Variants in ANK2 observed in about 807,000 individuals in gnomAD.
ANK2 encodes the protein ankyrin-2.
In ANK2, 83 loss-of-function variants were observed where a neutral mutation model predicts 360.5. The observed-to-expected ratio is 0.23, with a 90% confidence interval of 0.19 to 0.28. The LOEUF is 0.28. Ranked by LOEUF, ANK2 falls within the 10% of genes least tolerant of loss-of-function variation. The pLI is 1.00. For missense variants in ANK2, 4,201 were observed against 4,795.7 expected (o/e 0.88, Z 3.66); for synonymous variants, 1,740 against 1,759.5 (o/e 0.99, Z 0.28).
chr4:112,784,400 C>T, the ANK2 span, among the ~76,000 whole-genome samples: 1 of 146,402 alleles, frequency 6.8e-6, no homozygotes, highest in Admixed American at 6.9e-5. Context: ...CTCTGTCGCC[C>T]AGGCCGGAGT....
intron 2 of ANK2, among the ~76,000 whole-genome samples, chr4:113,026,928 G>T (rs1037732671): frequency 2.6e-5 from 4 of 152,118 alleles, no homozygotes; most frequent in South Asian, 4.1e-4. Context: ...GACTGGAGAA[G>T]GTTAAAGGGA....
chr4:112,745,555 C>G, the ANK2 span, among the ~76,000 whole-genome samples: 1 of 114,408 alleles, frequency 8.7e-6, no homozygotes, highest in Admixed American at 1.2e-4. Context: ...TTTTTTGAGA[C>G]AGAGTTTCGC....
At position 113,156,371 on chromosome 4, in the gene ANK2, C is replaced by CTTTTTTTTTTTTTTTTTTTTTT. The variant is rs150536846; in HGVS notation, c.85-18035_85-18034insTTTTTTTTTTTTTTTTTTTTTT. ...CGTATAGAGTATATGTAGAAAAATT[C>CTTTTTTTTTTTTTTTTTTTTTT]TTTTTTTTTTGTTTTTGAGACAGAG... On this transcript the variant is annotated intron_variant, in intron 1 of 45. Transcript: ENST00000357077. Among the ~76,000 whole-genome samples the CTTTTTTTTTTTTTTTTTTTTTT allele has an allele frequency of 4.6e-3, 587 of 128,234 alleles. 9 individuals carry two copies. Among genetic ancestry groups the CTTTTTTTTTTTTTTTTTTTTTT allele is most frequent in the Non-Finnish European group, 5.9e-3 (364 of 61,290 alleles). The allele number at this position is 128,234 out of a possible 152,430, so 84.1% of individuals were successfully genotyped here.
At chr4:112,795,935 G>A in the ANK2 span, among the ~76,000 whole-genome samples, 1 of 151,160 alleles carries the variant, frequency 6.6e-6, no homozygotes, top group African/African-American at 2.4e-5. Flanking sequence ...GAGTAGCTGG[G>A]ACTATAGGTG....
chr4:113,173,688 G>C (rs951684026), intron 1 of ANK2, among the ~76,000 whole-genome samples: 26 of 152,296 alleles, frequency 1.7e-4, no homozygotes, highest in African/African-American at 6.0e-4. Context: ...TTTGAGAGGA[G>C]TGTGGGAAGA....
At chr4:112,832,463 T>C (rs2060016159) in intron 1 of ANK2, among the ~76,000 whole-genome samples, 1 of 152,244 alleles carries the variant, frequency 6.6e-6, no homozygotes, top group Non-Finnish European at 1.5e-5. Flanking sequence ...ACAAAATTAT[T>C]TTATTTTGCC....
rs2042036628 is a variant in ANK2 at position 112,978,180 on chromosome 4, G to A, written c.21+73666G>A. On this transcript the variant is annotated intron_variant, in intron 2 of 30. Coordinates refer to the ANK2 transcript ENST00000503271. ...AATTGCTTGAACCTGGGAGGCAGAG[G>A]TTGCAGTGAGTCGAGATTGCGCCAT... 2.6e-5 allele frequency among the ~76,000 whole-genome samples: 4 copies of A among 151,938 alleles called. No individual in the cohort carries two copies. The South Asian group carries it at 8.3e-4, about 31-fold the overall frequency.
At chr4:112,722,516 A>G in the ANK2 span, among the ~76,000 whole-genome samples, 2 of 152,186 alleles carry the variant, frequency 1.3e-5, no homozygotes, top group Non-Finnish European at 2.9e-5. Context: ...GTGGCTCAAT[A>G]GTGTCATCGA....
chr4:113,141,519 C>A (rs941433309), intron 1 of ANK2: 11 of 152,082 alleles, frequency 7.2e-5, no homozygotes, highest in Non-Finnish European at 1.6e-4. Context: ...TTTTAAAAAA[C>A]AGGAAAATAG....
the ANK2 span, among the ~76,000 whole-genome samples, chr4:112,709,084 A>G: frequency 3.9e-5 from 6 of 152,202 alleles, no homozygotes; most frequent in Admixed American, 2.6e-4. Flanking sequence ...TAAGGGAGAG[A>G]TAACTTTATC....
the ANK2 span, among the ~76,000 whole-genome samples, chr4:112,722,190 G>A: frequency 0.37 from 56,578 of 151,964 alleles, 11,850 homozygotes; most frequent in Middle Eastern, 0.49. Context: ...TCTTGTGTTT[G>A]TATTTTCAAC....
intron 1 of ANK2, among the ~76,000 whole-genome samples, chr4:112,895,485 G>A (rs2081455655): frequency 6.6e-6 from 1 of 152,092 alleles, no homozygotes; most frequent in Non-Finnish European, 1.5e-5. Flanking sequence ...TCTTTTAGGT[G>A]CTGAACGCCA....
intron 11 of ANK2, among the ~76,000 whole-genome samples, chr4:113,257,011 T>C (rs1337979679): frequency 1.3e-5 from 2 of 152,242 alleles, no homozygotes; most frequent in Admixed American, 6.5e-5. Context: ...TCTGGCATGT[T>C]GTATAGCTCA....
At chr4:112,950,801 G>A (rs1581752864) in intron 2 of ANK2, among the ~76,000 whole-genome samples, 1 of 149,986 alleles carries the variant, frequency 6.7e-6, no homozygotes, top group African/African-American at 2.5e-5. Context: ...TGTGTGCCTC[G>A]GCCGGGCGCG....
chr4:113,009,459 G>A (rs1389284252), intron 2 of ANK2, among the ~76,000 whole-genome samples: 3 of 152,120 alleles, frequency 2.0e-5, no homozygotes, highest in African/African-American at 7.2e-5. Flanking sequence ...GTACAAAATA[G>A]AGTATGCAAA....
chr4:112,773,265 C>T, the ANK2 span, among the ~76,000 whole-genome samples: 2 of 151,988 alleles, frequency 1.3e-5, no homozygotes, highest in Admixed American at 1.3e-4. Context: ...TGTGGTGAGC[C>T]GTGATCGTGC....
Position 113,354,837 on chromosome 4 carries a change from A to C in ANK2, c.6219A>C (p.Ile2073=). ...ESKRGVRVSS[I]GVKKEDAAGG... Reference sequence around the variant, plus strand: ...AAAGAGGAGTTCGTGTTTCCTCCATAGGAGTTAAGAAAGAAGATGCAGCTG... The same window carrying C: ...AAAGAGGAGTTCGTGTTTCCTCCATCGGAGTTAAGAAAGAAGATGCAGCTG... Residue 2073 remains isoleucine, a synonymous_variant, in exon 38 of 46, where the codon ATA becomes ATC. Transcript: ENST00000357077. The C allele has an allele frequency of 6.2e-7, 1 of 1,614,102 alleles. No homozygotes were observed. The highest frequency in any genetic ancestry group is 8.5e-7 in the Non-Finnish European group (1 of 1,179,972).
chr4:113,128,804 A>C (rs1249528684), intron 1 of ANK2, among the ~76,000 whole-genome samples: 1 of 152,112 alleles, frequency 6.6e-6, no homozygotes, highest in Non-Finnish European at 1.5e-5. Context: ...TAATATATAC[A>C]CAGATAGATA....
intron 2 of ANK2, among the ~76,000 whole-genome samples, chr4:112,962,151 G>A (rs2035145272): frequency 6.6e-6 from 1 of 152,128 alleles, no homozygotes; most frequent in Non-Finnish European, 1.5e-5. Context: ...GCACTCAGCT[G>A]TGAGGATAGT....
Sources: gnomAD v4.1 joint callset for allele counts (sites outside exome capture counted in the v4.1 genomes callset) on GRCh38, gnomAD v4.1.1 for gene constraint, MANE v1.5 for transcripts, NCBI Gene and HGNC (gene_info 2026-07-23, HGNC 2026-07-21) for gene names.